The following EPS15L1 variants were observed in gnomAD, a reference collection of about 807,000 sequenced individuals.
The protein encoded by EPS15L1 is epidermal growth factor receptor substrate 15-like 1.
Under a neutral mutation model 117.1 loss-of-function variants are expected in EPS15L1, and 43 were observed. That is an observed-to-expected ratio of 0.37 (90% CI 0.29 to 0.47). EPS15L1 has a LOEUF of 0.47. EPS15L1 is among the 20% of genes least tolerant of loss of function. The pLI is 0.99. For missense variants in EPS15L1, 981 were observed against 1,164.0 expected (o/e 0.84, Z 2.29); for synonymous variants, 459 against 470.5 (o/e 0.98, Z 0.32).
chr19:16,456,735 C>T (rs1260266207), intron 1 of EPS15L1, among the ~76,000 whole-genome samples: 1 of 152,088 alleles, frequency 6.6e-6, no homozygotes, highest in Non-Finnish European at 1.5e-5. Context: ...AAAGTCAGCC[C>T]AGGACTATGG....
At position 16,358,693 on chromosome 19, in the gene EPS15L1, C is replaced by T. The variant is rs10412460; in HGVS notation, c.2587-2842G>A. Among the ~76,000 whole-genome samples, 677 of 152,336 alleles carry T rather than the reference C, an allele frequency of 4.4e-3. 6 individuals are homozygous for T. The highest frequency in any genetic ancestry group is 0.015 in the African/African-American group (636 of 41,570). On this transcript the variant is annotated intron_variant, in intron 23 of 23. Coordinates refer to ENST00000455140, the MANE Select transcript of EPS15L1 (RefSeq NM_001258374.3). ...CGATGGGATGGCCCCGGGAGGCGCC[C>T]GGCACCTGTCCTCACTGGCGCTCCA...
In EPS15L1 at chr19:16,404,674, G is replaced by A. The variant is rs200219382; in HGVS notation, c.1342C>T (p.Arg448Cys). ...TTCTGCTGGTCCATCTCGTCCAGGCGGTCTTGAGCATCCTGTTTCTGAGCC... is the reference window on the plus strand; with the variant it reads ...TTCTGCTGGTCCATCTCGTCCAGGCAGTCTTGAGCATCCTGTTTCTGAGCC... ...LEAQKQDAQD[R>C]LDEMDQQKAK... is the part of the protein sequence containing the mutation. Residue 448 changes from arginine to cysteine, a missense_variant, in exon 14 of 24, where the codon CGC becomes TGC. Physicochemically the swap from Arg to Cys is radical, Grantham distance 180. Transcript: ENST00000455140. This position sits in a 1 kb window ranked among gnomAD's most constrained non-coding sequence, Gnocchi z 4.2. The A allele has an allele frequency of 8.7e-6, 14 of 1,614,058 alleles. 1 individual carries two copies. The highest frequency in any genetic ancestry group is 1.1e-5 in the Non-Finnish European group (13 of 1,180,042).
chr19:16,415,937 T>C (rs2092754187), intron 12 of EPS15L1, among the ~76,000 whole-genome samples: 1 of 152,172 alleles, frequency 6.6e-6, no homozygotes, highest in African/African-American at 2.4e-5. Flanking sequence ...TGCACATCCT[T>C]GCTGATCGCC....
intron 13 of EPS15L1, among the ~76,000 whole-genome samples, chr19:16,410,994 A>T (rs2092701019): frequency 6.6e-6 from 1 of 152,212 alleles, no homozygotes. Flanking sequence ...ATATGCTACA[A>T]TATGGATGAC....
At chr19:16,380,921 G>C (rs376221984) in intron 21 of EPS15L1, among the ~76,000 whole-genome samples, 3 of 152,190 alleles carry the variant, frequency 2.0e-5, no homozygotes, top group Admixed American at 2.0e-4. Context: ...TGGCTGCCTC[G>C]GACCTTGTGT....
chr19:16,455,295 C>CT (rs976467887), intron 1 of EPS15L1, among the ~76,000 whole-genome samples: 5 of 138,348 alleles, frequency 3.6e-5, no homozygotes, highest in Non-Finnish European at 6.2e-5. Flanking sequence ...TTTTTTTTTT[C>CT]TTTTTTTTGT....
chr19:16,402,020 T>C lies in EPS15L1; in HGVS notation c.1791+301A>G, dbSNP rs998790639. 1.8e-5 allele frequency: 21 copies of C among 1,139,820 alleles called. No homozygotes were observed. The African/African-American group carries it at 3.2e-4, about 17-fold the overall frequency. 70.6% of individuals were successfully genotyped at this position (1,139,820 alleles called of 1,614,324 possible). A position where few individuals can be genotyped will look rare whatever the true frequency, so the allele number is the denominator to read the frequency against. On this transcript the variant is annotated intron_variant, in intron 16 of 23. Transcript: ENST00000455140. The stretch of plus-strand genomic sequence containing the variant: ...TTTTGGTTAAGTTTGAGAAGCCCTC[T>C]GAACTTGGGTGGTTGGCCCAATGTA...
At chr19:16,417,505 G>A (rs1160999134) in intron 12 of EPS15L1, 47 bp downstream of exon 12, 1 of 1,482,800 alleles carries the variant, frequency 6.7e-7, no homozygotes, top group Admixed American at 1.8e-5. Flanking sequence ...ACCTGGGAGA[G>A]TTCGTGTAAC....
chr19:16,365,369 A>G lies in EPS15L1; in HGVS notation c.2381-3385T>C, dbSNP rs1482004262. Among the ~76,000 whole-genome samples, 2 of 152,264 alleles carry G rather than the reference A, an allele frequency of 1.3e-5. No homozygotes were observed. Among genetic ancestry groups the G allele is most frequent in the Non-Finnish European group, 2.9e-5 (2 of 68,050 alleles). On this transcript the variant is annotated intron_variant, in intron 22 of 23. Coordinates refer to ENST00000455140, the MANE Select transcript of EPS15L1 (RefSeq NM_001258374.3). The surrounding 1 kb of genome is among the most constrained non-coding windows in gnomAD (Gnocchi z 4.9). ...TGAGTTAAAACGAAGTCAAAGGATC[A>G]ATGACTGTCTTCACTGAAAGAACTT...
chr19:16,458,840 C>T (rs979566366), intron 1 of EPS15L1, among the ~76,000 whole-genome samples: 1 of 152,230 alleles, frequency 6.6e-6, no homozygotes, highest in African/African-American at 2.4e-5. Flanking sequence ...ACCTTTCACT[C>T]CTTGTCTTGG....
chr19:16,382,509 C>G (rs1281987483), intron 21 of EPS15L1, among the ~76,000 whole-genome samples: 1 of 151,984 alleles, frequency 6.6e-6, no homozygotes, highest in Non-Finnish European at 1.5e-5. Context: ...AGAACTGGTT[C>G]AAAACAGAAG....
Position 16,417,553 on chromosome 19 carries a change from T to G in EPS15L1, c.1192A>C (p.Arg398=), listed in dbSNP as rs1032780481. 6.2e-7 allele frequency: 1 copy of G among 1,613,438 alleles called. No individual in the cohort carries two copies. The highest frequency in any genetic ancestry group is 8.5e-7 in the Non-Finnish European group (1 of 1,179,552). Residue 398 remains arginine (R), a splice_region_variant and synonymous_variant, in exon 12 of 24, where the codon AGA becomes CGA. Transcript: ENST00000455140. ...AGGGAAGGGCCGTTTCCAACATACCTTTGTAACTGGGCAATCTCTTGACTG... is the reference window on the plus strand; with the variant it reads ...AGGGAAGGGCCGTTTCCAACATACCGTTGTAACTGGGCAATCTCTTGACTG... The part of the protein sequence containing the change: ...DISQEIAQLQ[R]EKYSLEQDIR...
chr19:16,355,827 C>T lies in EPS15L1; in HGVS notation c.2611G>A (p.Ala871Thr). 6.5e-7 allele frequency: 1 copy of T among 1,536,062 alleles called. No individual in the cohort carries two copies. Among genetic ancestry groups the T allele is most frequent in the Non-Finnish European group, 8.7e-7 (1 of 1,146,814 alleles). The change falls in exon 24 of 24, where the codon GCG becomes ACG. Residue 871 changes from alanine (A) to threonine (T), a missense_variant. By Grantham distance (58) the Ala-to-Thr change is moderately conservative. Around this residue, in one of 5 missense-constraint regions of EPS15L1, gnomAD observed 819 missense variants for 949.0 expected, o/e 0.86. Coordinates refer to ENST00000455140, the MANE Select transcript of EPS15L1 (RefSeq NM_001258374.3). Reference sequence around the variant, plus strand: ...TTCTCGCTCTCCCGCTTGGCCCACGCCAGCTGCTGCTCCTCATTGCCAAAC... The same window carrying T: ...TTCTCGCTCTCCCGCTTGGCCCACGTCAGCTGCTGCTCCTCATTGCCAAAC... ...TSFGNEEQQLAWAKRESEKAE... is the reference protein window; with the variant it reads ...TSFGNEEQQLTWAKRESEKAE...
chr19:16,395,470 A>G lies in EPS15L1; in HGVS notation c.1792-3T>C, dbSNP rs749055249. On this transcript the variant is annotated splice_region_variant and splice_polypyrimidine_tract_variant and intron_variant, in intron 16 of 23. Coordinates refer to ENST00000455140, the MANE Select transcript of EPS15L1 (RefSeq NM_001258374.3). ...GCTTTATTTTTGAAAGGATCATCCTACAATTTTGTGAAGAAACAGGACAGG... is the reference window on the plus strand; with the variant it reads ...GCTTTATTTTTGAAAGGATCATCCTGCAATTTTGTGAAGAAACAGGACAGG... 49 of 1,612,944 alleles carry G rather than the reference A, an allele frequency of 3.0e-5. No homozygotes were observed. The highest frequency in any genetic ancestry group is 3.6e-5 in the Non-Finnish European group (43 of 1,179,334).
At position 16,371,782 on chromosome 19, in the gene EPS15L1, C is replaced by G. The variant is rs1389362629; in HGVS notation, c.2380+5340G>C. Among the ~76,000 whole-genome samples the G allele has an allele frequency of 6.6e-6, 1 of 152,208 alleles. No homozygotes were observed. The highest frequency in any genetic ancestry group is 1.5e-5 in the Non-Finnish European group (1 of 68,034). ...GCACTTAAAAAAAAAATCTGTTTCT[C>G]TCTTTGCAAATCAACAACTTTTACC... On this transcript the variant is annotated intron_variant, in intron 22 of 23. Coordinates refer to ENST00000455140, the MANE Select transcript of EPS15L1 (RefSeq NM_001258374.3). This position sits in a 1 kb window ranked among gnomAD's most constrained non-coding sequence, Gnocchi z 4.7.
In EPS15L1 at chr19:16,355,487, CG is replaced by C. The variant is rs554452884; in HGVS notation, c.*217del. ...CGGGGGGGATGGCACAGTGGAGAGA[CG>C]GACCTGCAGAAGTGGTGGCCAAGGC... On this transcript the variant is annotated 3_prime_UTR_variant, in exon 24 of 24. Coordinates refer to ENST00000455140, the MANE Select transcript of EPS15L1 (RefSeq NM_001258374.3). 325 of 561,520 alleles carry C rather than the reference CG, an allele frequency of 5.8e-4. 1 individual carries two copies. The highest frequency in any genetic ancestry group is 2.4e-3 in the Middle Eastern group (5 of 2,064). The allele number at this position is 561,520 out of a possible 1,614,324, so 34.8% of individuals were successfully genotyped here.
intron 8 of EPS15L1, 148 bp downstream of exon 8, chr19:16,428,554 A>C (rs1399735873): frequency 2.4e-4 from 113 of 473,022 alleles, no homozygotes; most frequent in African/African-American, 7.8e-4. Context: ...ACAGAAAAGA[A>C]AGGAAAAGAA....
At chr19:16,372,898 G>A (rs923573414) in intron 22 of EPS15L1, among the ~76,000 whole-genome samples, 1 of 152,204 alleles carries the variant, frequency 6.6e-6, no homozygotes, top group African/African-American at 2.4e-5. Context: ...TAGCAGAATT[G>A]GCTGCCCAGA....
At chr19:16,454,144 G>GGGGGGACTGCAA (rs1209277747) in intron 1 of EPS15L1, among the ~76,000 whole-genome samples, 1 of 152,208 alleles carries the variant, frequency 6.6e-6, no homozygotes, top group Non-Finnish European at 1.5e-5. Context: ...CCCCCCTTGA[G>GGGGGGACTGCAA]GGCACAGATG....
Sources: allele counts gnomAD v4.1 joint callset (sites outside exome capture counted in the v4.1 genomes callset), GRCh38; gene constraint gnomAD v4.1.1; regional missense constraint gnomAD v4.1.1; non-coding constraint Gnocchi (gnomAD v3.1); transcripts MANE v1.5; gene names NCBI Gene and HGNC (gene_info 2026-07-23, HGNC 2026-07-21).